CECR2: variants seen among roughly 807,000 people sequenced by gnomAD.
CECR2 encodes chromatin remodeling regulator CECR2.
Under a neutral mutation model 154.5 loss-of-function variants are expected in CECR2, and 30 were observed. The observed-to-expected ratio is 0.19, with a 90% CI of 0.15 to 0.26. The LOEUF is 0.26. Ranked by LOEUF, CECR2 falls within the 10% of genes least tolerant of loss-of-function variation. The pLI, the probability that CECR2 is intolerant of heterozygous loss-of-function variation, is 1.00. For missense variants in CECR2, 1,743 were observed against 1,829.3 expected, an observed-to-expected ratio of 0.95 and a Z score of 0.86; for synonymous variants, 725 against 683.7, an observed-to-expected ratio of 1.06 and a Z score of -0.94.
chr22:17,379,366 C>T (rs2063158053), intron 1 of CECR2, among the ~76,000 whole-genome samples: 1 of 152,308 alleles, frequency 6.6e-6, no homozygotes. Flanking sequence ...GAAAGGCCTT[C>T]CCCTACAAAA....
intron 1 of CECR2, among the ~76,000 whole-genome samples, chr22:17,363,535 G>T (rs1435495715): frequency 6.6e-6 from 1 of 151,824 alleles, no homozygotes; most frequent in South Asian, 2.1e-4. Flanking sequence ...CAAAGACAGG[G>T]TTTCACTATG....
In CECR2 at chr22:17,545,044, A is replaced by G. The variant is rs534609808; in HGVS notation, c.2860+2041A>G. On this transcript the variant is annotated intron_variant, in intron 16 of 18. Coordinates refer to ENST00000262608, the MANE Select transcript of CECR2 (RefSeq NM_001290047.2). ...TACCTGGATTTATTAAGAATGGCCA[A>G]TAGTGAGATCTAGCAAATCTTGAAG... Among the ~76,000 whole-genome samples the G allele has an allele frequency of 1.8e-3, 270 of 152,172 alleles. 1 individual carries two copies. Among genetic ancestry groups the G allele is most frequent in the African/African-American group, 6.4e-3 (264 of 41,534 alleles).
intron 1 of CECR2, among the ~76,000 whole-genome samples, chr22:17,452,111 C>T (rs541071577): frequency 8.3e-4 from 126 of 152,270 alleles, no homozygotes; most frequent in African/African-American, 2.9e-3. Context: ...CTGGCTCTTT[C>T]GCCCAGCCTG....
At chr22:17,524,853 G>C (rs769020125) in intron 9 of CECR2, 1 of 407,880 alleles carries the variant, frequency 2.5e-6, no homozygotes, top group South Asian at 1.7e-5. Flanking sequence ...TATTTTTAGA[G>C]ATGGGGTTTT....
intron 10 of CECR2, 41 bp from the exon 11 acceptor site, chr22:17,538,479 T>A (rs761453931): frequency 6.4e-7 from 1 of 1,571,480 alleles, no homozygotes. Flanking sequence ...GGAGAGAAGG[T>A]GGTCAGAGTT....
At chr22:17,465,511 G>A (rs2055016579) in intron 1 of CECR2, among the ~76,000 whole-genome samples, 1 of 151,616 alleles carries the variant, frequency 6.6e-6, no homozygotes, top group Non-Finnish European at 1.5e-5. Context: ...TTGAGACAGA[G>A]TCTTGCTCTG....
intron 9 of CECR2, among the ~76,000 whole-genome samples, chr22:17,527,769 C>CAAA (rs3079565): frequency 1.1e-5 from 1 of 89,898 alleles, no homozygotes; most frequent in Non-Finnish European, 2.4e-5. Context: ...GATTCTGTCT[C>CAAA]AAAAAAAAAA....
rs546432382 is a variant in CECR2 at position 17,389,817 on chromosome 22, G to A, written c.126+19908G>A. 3.9e-4 allele frequency among the ~76,000 whole-genome samples: 59 copies of A among 152,130 alleles called. 1 individual carries two copies. Among genetic ancestry groups the A allele is most frequent in the South Asian group, 1.0e-3 (5 of 4,812 alleles). ...TAATTTTTGTGTTTTTAGTAGAGAC[G>A]GGGTTTTGCCATGTTAGCCAGGCTG... On this transcript the variant is annotated intron_variant, in intron 1 of 18. Transcript: ENST00000262608.
intron 8 of CECR2, among the ~76,000 whole-genome samples, chr22:17,520,427 AATT>A (rs1425988061): frequency 6.6e-6 from 1 of 151,942 alleles, no homozygotes; most frequent in African/African-American, 2.4e-5. Flanking sequence ...AGGATTTTTA[AATT>A]ATTATTATAC....
intron 1 of CECR2, among the ~76,000 whole-genome samples, chr22:17,462,813 C>T (rs146535755): frequency 1.3e-4 from 20 of 152,170 alleles, no homozygotes; most frequent in East Asian, 3.9e-4. Context: ...CTCAGAAGGC[C>T]GAGGCAGAGA....
intron 1 of CECR2, among the ~76,000 whole-genome samples, chr22:17,443,381 A>C (rs2054612224): frequency 6.6e-6 from 1 of 151,932 alleles, no homozygotes; most frequent in Non-Finnish European, 1.5e-5. Context: ...TATCTGTGGA[A>C]TTAATCTTAG....
In CECR2 at chr22:17,520,090, G is replaced by A. The variant is rs552245860; in HGVS notation, c.955-4028G>A. ...AGGCGTGAGCCACCGTGCCTGGCCA[G>A]ATTATCAAGTCTTGAGTGACTTAAC... On this transcript the variant is annotated intron_variant, in intron 8 of 18. Transcript: ENST00000262608. 2.6e-5 allele frequency among the ~76,000 whole-genome samples: 4 copies of A among 152,284 alleles called. No individual in the cohort carries two copies. In the East Asian group the frequency reaches 5.8e-4, roughly 22 times the overall value.
intron 9 of CECR2, among the ~76,000 whole-genome samples, chr22:17,534,382 C>T (rs1355029576): frequency 6.6e-6 from 1 of 152,058 alleles, no homozygotes; most frequent in Non-Finnish European, 1.5e-5. Flanking sequence ...TATATAAGTT[C>T]CAGATACACT....
chr22:17,397,616 G>A (rs2053831568), intron 1 of CECR2, among the ~76,000 whole-genome samples: 1 of 152,050 alleles, frequency 6.6e-6, no homozygotes, highest in Non-Finnish European at 1.5e-5. Flanking sequence ...TCCTGCCTCA[G>A]CCTCCCGAGT....
upstream of CECR2, among the ~76,000 whole-genome samples, chr22:17,364,825 T>TCAAAAAA (rs957057651): frequency 8.8e-5 from 13 of 148,110 alleles, no homozygotes; most frequent in South Asian, 2.1e-4. Flanking sequence ...AGATTCCGTC[T>TCAAAAAA]CAAAAAACAA....
chr22:17,536,880 CAGTGTG>C (rs1258994114), intron 9 of CECR2, among the ~76,000 whole-genome samples: 2 of 152,118 alleles, frequency 1.3e-5, no homozygotes, highest in African/African-American at 4.8e-5. Context: ...ACCTTGAGCT[CAGTGTG>C]AGTGAGGAAA....
chr22:17,375,493 C>T (rs1397428630), intron 1 of CECR2, among the ~76,000 whole-genome samples: 2 of 152,034 alleles, frequency 1.3e-5, no homozygotes, highest in Non-Finnish European at 2.9e-5. Context: ...TAGAGAAATA[C>T]CTGCTTGCTT....
At chr22:17,547,404 T>C (rs569347189) in intron 16 of CECR2, among the ~76,000 whole-genome samples, 128 of 152,112 alleles carry the variant, frequency 8.4e-4, no homozygotes, top group African/African-American at 3.0e-3. Context: ...TAATTTTTTA[T>C]ATTTTTTAGT....
chr22:17,498,264 G>T (rs991063915), intron 3 of CECR2, among the ~76,000 whole-genome samples: 7 of 152,102 alleles, frequency 4.6e-5, no homozygotes, highest in African/African-American at 1.4e-4. Context: ...GGTGGCAGGC[G>T]CCTGTAGTCC....
Sources: gnomAD v4.1 joint callset for allele counts (sites outside exome capture counted in the v4.1 genomes callset) on GRCh38, gnomAD v4.1.1 for gene constraint, MANE v1.5 for transcripts, NCBI Gene and HGNC (gene_info 2026-07-23, HGNC 2026-07-21) for gene names.